BRAF: variants seen among roughly 807,000 people sequenced by gnomAD.
BRAF encodes B-Raf proto-oncogene, serine/threonine kinase.
In BRAF, 16 loss-of-function variants were observed where a neutral mutation model predicts 104.6. The observed-to-expected ratio is 0.15, with a 90% CI of 0.10 to 0.23. The LOEUF (loss-of-function observed/expected upper bound fraction) is 0.23, where lower values mean the gene tolerates loss of function less well. Among genes scored for constraint, BRAF ranks in the 10% least tolerant of loss-of-function variants. BRAF has a pLI of 1.00. For synonymous variants in BRAF, 310 were observed against 341.6 expected, an observed-to-expected ratio of 0.91 and a Z score of 1.02; for missense variants, 541 against 937.3, an observed-to-expected ratio of 0.58 and a Z score of 5.52.
intron 1 of BRAF, among the ~76,000 whole-genome samples, chr7:140,861,788 C>T (rs777407504): frequency 1.4e-4 from 21 of 152,066 alleles, no homozygotes; most frequent in Non-Finnish European, 2.8e-4. Flanking sequence ...TTCAACAAAA[C>T]TGAGTAATAG....
At chr7:140,806,849 T>C (rs1434878234) in intron 5 of BRAF, among the ~76,000 whole-genome samples, 1 of 152,148 alleles carries the variant, frequency 6.6e-6, no homozygotes, top group Non-Finnish European at 1.5e-5. Context: ...TAATGGAGGC[T>C]TGAAAGCATA....
At chr7:140,781,521 T>C in intron 12 of BRAF, 55 bp downstream of exon 11, 5 of 1,445,948 alleles carry the variant, frequency 3.5e-6, no homozygotes, top group South Asian at 2.3e-5. Context: ...AAAATAAAAG[T>C]TGTTAAACAT....
intron 2 of BRAF, among the ~76,000 whole-genome samples, chr7:140,837,376 A>G (rs1402865248): frequency 6.6e-6 from 1 of 152,208 alleles, no homozygotes; most frequent in East Asian, 1.9e-4. Flanking sequence ...CTATCTCATT[A>G]CATTAATCTG....
At chr7:140,850,053 T>C in intron 2 of BRAF, 58 bp downstream of exon 2, 1 of 1,268,028 alleles carries the variant, frequency 7.9e-7, no homozygotes, top group East Asian at 2.3e-5. Context: ...TACAAATGTT[T>C]TTATAAGTTC....
intron 11 of BRAF, 136 bp downstream of exon 10, chr7:140,782,885 T>G: frequency 1.8e-6 from 2 of 1,106,306 alleles, no homozygotes; most frequent in Non-Finnish European, 2.5e-6. Context: ...CAAAAAACTA[T>G]CAGTTCTTAA....
At position 140,722,612 on chromosome 7, in the gene BRAF, A is replaced by T. The variant is rs1795373154; in HGVS notation, c.*3882T>A. On this transcript the variant is annotated 3_prime_UTR_variant, in exon 20 of 20. Coordinates refer to ENST00000644969, the MANE Select transcript of BRAF (RefSeq NM_001374258.1). ...GTCTCAAGGTGCTGGTATTCCTAGCACTAACAATGCCAACTTGGACAAAGA... is the reference window on the plus strand; with the variant it reads ...GTCTCAAGGTGCTGGTATTCCTAGCTCTAACAATGCCAACTTGGACAAAGA... 3.8e-6 allele frequency: 4 copies of T among 1,054,600 alleles called. No homozygotes were observed. The South Asian group carries it at 1.4e-4, about 36-fold the overall frequency. 65.3% of individuals were successfully genotyped at this position (1,054,600 alleles called of 1,614,324 possible).
chr7:140,850,279 T>A (rs1056896789), intron 1 of BRAF, 67 bp from the exon 2 acceptor site: 96 of 1,242,824 alleles, frequency 7.7e-5, no homozygotes, highest in Non-Finnish European at 1.1e-4. Flanking sequence ...TATTTTAACA[T>A]AGACAACTAC....
At chr7:140,762,787 A>G (rs906944698) in intron 14 of BRAF, among the ~76,000 whole-genome samples, 159 of 152,120 alleles carry the variant, frequency 1.0e-3, no homozygotes, top group Non-Finnish European at 1.3e-4. Context: ...TGGGTACTTG[A>G]GATTAGGGAG....
At chr7:140,785,110 C>A (rs970730094) in intron 10 of BRAF, among the ~76,000 whole-genome samples, 3 of 151,762 alleles carry the variant, frequency 2.0e-5, no homozygotes, top group Non-Finnish European at 2.9e-5. Flanking sequence ...TGTTATAAAT[C>A]TTTTTTTTGT....
intron 2 of BRAF, among the ~76,000 whole-genome samples, chr7:140,841,849 T>C (rs1808003061): frequency 6.6e-6 from 1 of 152,160 alleles, no homozygotes; most frequent in African/African-American, 2.4e-5. Flanking sequence ...AAGTTAATCG[T>C]ATAGTATGTG....
At chr7:140,767,552 T>A (rs1799450876) in intron 14 of BRAF, among the ~76,000 whole-genome samples, 1 of 152,214 alleles carries the variant, frequency 6.6e-6, no homozygotes, top group Admixed American at 6.5e-5. Context: ...CATCGCTGAT[T>A]TCTTGAAGAA....
rs1236771463 is a variant in BRAF at position 140,722,258 on chromosome 7, T to C, written c.*4236A>G. On this transcript the variant is annotated 3_prime_UTR_variant, in exon 20 of 20. Coordinates refer to ENST00000644969, the MANE Select transcript of BRAF (RefSeq NM_001374258.1). Reference sequence around the variant, plus strand: ...TGTTCACTGAAAATTTACCTGTGTGTTTTCTCATTGTTAAATGTGATTTTG... The same window carrying C: ...TGTTCACTGAAAATTTACCTGTGTGCTTTCTCATTGTTAAATGTGATTTTG... 4.7e-6 allele frequency: 5 copies of C among 1,056,104 alleles called. No homozygotes were observed. The highest frequency in any genetic ancestry group is 4.2e-4 in the Middle Eastern group (1 of 2,372). The allele number at this position is 1,056,104 out of a possible 1,614,324, so 65.4% of individuals were successfully genotyped here.
In BRAF at chr7:140,812,160, C is replaced by CTGTGTGTGTG. The variant is rs201757515; in HGVS notation, c.505-3175_505-3166dup. On this transcript the variant is annotated intron_variant, in intron 3 of 19. Transcript: ENST00000644969. ...TTTGGGCATGCATGTGCATGCACAC[C>CTGTGTGTGTG]TGTGTGTGTGTGTGTGTGTGTGTGT... Among the ~76,000 whole-genome samples, 514 of 140,616 alleles carry CTGTGTGTGTG rather than the reference C, an allele frequency of 3.7e-3. 1 individual carries two copies. Among genetic ancestry groups the CTGTGTGTGTG allele is most frequent in the Middle Eastern group, 0.018 (5 of 280 alleles). 92.2% of individuals were successfully genotyped at this position (140,616 alleles called of 152,430 possible).
chr7:140,867,049 C>T (rs995755958), intron 1 of BRAF, among the ~76,000 whole-genome samples: 49 of 152,120 alleles, frequency 3.2e-4, no homozygotes, highest in Admixed American at 8.5e-4. Context: ...ATTCCATTTT[C>T]CCTGTGCCAT....
chr7:140,771,363 T>A (rs1031773464), intron 14 of BRAF, among the ~76,000 whole-genome samples: 1 of 151,564 alleles, frequency 6.6e-6, no homozygotes, highest in African/African-American at 2.4e-5. Context: ...ATCCAGCTAA[T>A]TTTTGTATTT....
At chr7:140,789,267 G>A (rs1562960706) in intron 8 of BRAF, among the ~76,000 whole-genome samples, 1 of 152,104 alleles carries the variant, frequency 6.6e-6, no homozygotes, top group Admixed American at 6.5e-5. Context: ...AACGATGGTA[G>A]TGGGGACAGT....
intron 18 of BRAF, among the ~76,000 whole-genome samples, chr7:140,739,246 G>A (rs1796696720): frequency 1.3e-5 from 2 of 152,074 alleles, no homozygotes; most frequent in Non-Finnish European, 2.9e-5. Flanking sequence ...TATTTTACAA[G>A]CGTTAAGTAG....
chr7:140,750,021 T>C (rs1002006137), intron 16 of BRAF, among the ~76,000 whole-genome samples: 4 of 152,204 alleles, frequency 2.6e-5, no homozygotes, highest in Admixed American at 2.6e-4. Context: ...TAAAAGATGG[T>C]ATAAAGAATC....
intron 1 of BRAF, among the ~76,000 whole-genome samples, 192 bp from the exon 2 acceptor site, chr7:140,850,404 C>T (rs888339201): frequency 1.3e-5 from 2 of 152,008 alleles, no homozygotes; most frequent in Admixed American, 6.6e-5. Flanking sequence ...AGTAATACAA[C>T]GTATTCTCAA....
Sources: allele counts gnomAD v4.1 joint callset (sites outside exome capture counted in the v4.1 genomes callset), GRCh38; gene constraint gnomAD v4.1.1; transcripts MANE v1.5; gene names NCBI Gene and HGNC (gene_info 2026-07-23, HGNC 2026-07-21).